AKT1: variants seen among roughly 807,000 people sequenced by gnomAD.
AKT1 encodes RAC-alpha serine/threonine-protein kinase.
AKT1 carries 21 observed loss-of-function variants against 63.1 expected under a neutral mutation model. The ratio of observed to expected loss-of-function variants is 0.33; its 90% CI spans 0.24 to 0.48. AKT1 has a LOEUF of 0.48. Ranked by LOEUF, AKT1 falls within the 20% of genes least tolerant of loss-of-function variation. The pLI is 0.99. For missense variants in AKT1, 382 were observed against 666.0 expected, an observed-to-expected ratio of 0.57 and a Z score of 4.69; for synonymous variants, 257 against 253.1, an observed-to-expected ratio of 1.02 and a Z score of -0.15.
intron 13 of AKT1, 33 bp from the exon 14 acceptor site, chr14:104,770,880 C>CTTCG (rs1892347397): frequency 6.3e-7 from 1 of 1,590,436 alleles, no homozygotes; most frequent in Non-Finnish European, 8.6e-7. Context: ...CAGTCATGAG[C>CTTCG]TTCGCTCCCC....
intron 3 of AKT1, among the ~76,000 whole-genome samples, chr14:104,790,277 T>TG (rs1177222839): frequency 6.6e-6 from 1 of 151,762 alleles, no homozygotes; most frequent in South Asian, 2.1e-4. Flanking sequence ...GGAGCAAGGC[T>TG]GGGGGGGAGT....
In AKT1 at chr14:104,776,790, C is replaced by T; in HGVS notation, c.176-20G>A. ...GGCACTCTGCGGGCAGGCAGAGCCTCTGTCTGCGTGCATCCCCCTGCCCCT... is the reference window on the plus strand; with the variant it reads ...GGCACTCTGCGGGCAGGCAGAGCCTTTGTCTGCGTGCATCCCCCTGCCCCT... On this transcript the variant is annotated intron_variant, in intron 4 of 14. Transcript: ENST00000649815. The T allele has an allele frequency of 6.2e-7, 1 of 1,606,136 alleles. No homozygotes were observed. The highest frequency in any genetic ancestry group is 8.5e-7 in the Non-Finnish European group (1 of 1,175,562).
chr14:104,770,418 C>T lies in AKT1; in HGVS notation c.1366G>A (p.Asp456Asn). Residue 456 changes from aspartate to asparagine, a missense_variant and splice_region_variant, in exon 15 of 15, where the codon GAC (aspartate) becomes AAC (asparagine). By Grantham distance (23) the Asp-to-Asn change is conservative (BLOSUM62 1). Around this residue, in one of 3 missense-constraint regions of AKT1, gnomAD observed 90 missense variants for 120.5 expected, o/e 0.75. Coordinates refer to ENST00000649815, the MANE Select transcript of AKT1 (RefSeq NM_001382430.1). ...MITITPPDQD[D>N]SMECVDSERR... ...TCGCTGTCCACACACTCCATGCTGT[C>T]ATCTGTGGGTGTAGACAGCTCAGAC... 1 of 1,609,514 alleles carries T rather than the reference C, an allele frequency of 6.2e-7. No individual in the cohort carries two copies. Among genetic ancestry groups the T allele is most frequent in the Non-Finnish European group, 8.5e-7 (1 of 1,178,940 alleles).
At chr14:104,791,737 G>T (rs1025993713) in intron 3 of AKT1, among the ~76,000 whole-genome samples, 2 of 152,232 alleles carry the variant, frequency 1.3e-5, no homozygotes, top group Non-Finnish European at 2.9e-5. Context: ...GAGGGTGTAC[G>T]TAAAGCCGGG....
Position 104,771,246 on chromosome 14 carries a change from G to A in AKT1, c.1261-399C>T, listed in dbSNP as rs187915617. 62 of 293,622 alleles carry A rather than the reference G, an allele frequency of 2.1e-4. 1 individual carries two copies. The highest frequency in any genetic ancestry group is 1.2e-3 in the African/African-American group (57 of 47,060). 18.2% of individuals were successfully genotyped at this position (293,622 alleles called of 1,614,324 possible). ...AAAGAGGGAGACTGTGGAACAAGGT[G>A]CACAGGATGAGCCCACCCTGCCTCC... On this transcript the variant is annotated intron_variant, in intron 13 of 14. Transcript: ENST00000649815.
intron 3 of AKT1, among the ~76,000 whole-genome samples, chr14:104,783,393 A>G (rs1392706082): frequency 1.3e-5 from 2 of 152,046 alleles, no homozygotes; most frequent in African/African-American, 4.8e-5. Flanking sequence ...TGCTGGGGGA[A>G]CTGGAACCAG....
intron 12 of AKT1, 77 bp downstream of exon 12, chr14:104,772,801 G>T: frequency 2.1e-6 from 3 of 1,449,276 alleles, no homozygotes; most frequent in Non-Finnish European, 2.8e-6. Flanking sequence ...TGCCAGGACC[G>T]CCTGGCGCAG....
At chr14:104,787,150 C>A (rs1396915691) in intron 3 of AKT1, among the ~76,000 whole-genome samples, 1 of 152,200 alleles carries the variant, frequency 6.6e-6, no homozygotes, top group Non-Finnish European at 1.5e-5. Flanking sequence ...CTCCCAACCC[C>A]CTCAATTCCA....
At chr14:104,781,705 G>A (rs562120012) in intron 3 of AKT1, among the ~76,000 whole-genome samples, 2 of 152,314 alleles carry the variant, frequency 1.3e-5, no homozygotes, top group African/African-American at 4.8e-5. Flanking sequence ...GCTGCTGGGG[G>A]GATGCTGGTG....
chr14:104,780,268 CGCCAGGCA>C (rs1566821020), intron 3 of AKT1, 52 bp from the exon 4 acceptor site: 1 of 1,594,960 alleles, frequency 6.3e-7, no homozygotes, highest in South Asian at 1.1e-5. Flanking sequence ...GTCAGACCCT[CGCCAGGCA>C]GCCAGGCAGG....
At chr14:104,780,342 G>A (rs575578033) in intron 3 of AKT1, 126 bp from the exon 4 acceptor site, 26 of 1,337,890 alleles carry the variant, frequency 1.9e-5, no homozygotes, top group South Asian at 8.6e-5. Flanking sequence ...GGGGGCAGGC[G>A]CGGTACGGGA....
chr14:104,780,437 GC>G (rs1412070259), intron 3 of AKT1, among the ~76,000 whole-genome samples: 1 of 152,188 alleles, frequency 6.6e-6, no homozygotes, highest in Non-Finnish European at 1.5e-5. Context: ...TCTCAGAAGA[GC>G]CACCCCGAGC....
intron 13 of AKT1, 79 bp from the exon 14 acceptor site, chr14:104,770,926 C>T: frequency 1.5e-6 from 2 of 1,305,934 alleles, no homozygotes; most frequent in Non-Finnish European, 2.2e-6. Context: ...TCAAGACCTT[C>T]AAAGCACCTG....
intron 4 of AKT1, chr14:104,777,511 C>T (rs1411747037): frequency 1.8e-5 from 18 of 1,008,032 alleles, no homozygotes; most frequent in Admixed American, 1.2e-4. Flanking sequence ...ACCTGGGGCA[C>T]ACGCACACCT....
At chr14:104,790,629 A>G (rs1371015386) in intron 3 of AKT1, among the ~76,000 whole-genome samples, 3 of 152,190 alleles carry the variant, frequency 2.0e-5, no homozygotes, top group African/African-American at 7.2e-5. Context: ...AAGAGGGGCT[A>G]TGCCTGCCAA....
At chr14:104,770,613 G>A (rs1377411523) in intron 14 of AKT1, 132 bp downstream of exon 14, 19 of 977,254 alleles carry the variant, frequency 1.9e-5, no homozygotes, top group Non-Finnish European at 2.9e-5. Context: ...CCTGATCATT[G>A]GCACTCTCCA....
intron 3 of AKT1, among the ~76,000 whole-genome samples, chr14:104,790,966 C>T (rs773563020): frequency 5.3e-5 from 8 of 152,170 alleles, no homozygotes; most frequent in Non-Finnish European, 8.8e-5. Flanking sequence ...GCTCTCTGGA[C>T]GCCCCACTGG....
At chr14:104,787,787 G>A (rs745447878) in intron 3 of AKT1, among the ~76,000 whole-genome samples, 1 of 152,254 alleles carries the variant, frequency 6.6e-6, no homozygotes, top group Non-Finnish European at 1.5e-5. Flanking sequence ...GAAACACACA[G>A]GAAGAAGAGC....
intron 6 of AKT1, 134 bp from the exon 7 acceptor site, chr14:104,775,341 T>C (rs1464022212): frequency 1.3e-6 from 2 of 1,484,148 alleles, no homozygotes; most frequent in East Asian, 2.4e-5. Flanking sequence ...CCTGGTGGCC[T>C]ACTGGGCTCA....
Sources: allele counts gnomAD v4.1 joint callset (sites outside exome capture counted in the v4.1 genomes callset), GRCh38; gene constraint gnomAD v4.1.1; regional missense constraint gnomAD v4.1.1; transcripts MANE v1.5; gene names NCBI Gene and HGNC (gene_info 2026-07-23, HGNC 2026-07-21).